NRG3: variants seen among roughly 807,000 people sequenced by gnomAD.
NRG3 encodes neuregulin 3.
A neutral mutation model predicts 66.9 loss-of-function variants in NRG3; 31 were observed. The observed-to-expected ratio is 0.46, with a 90% CI of 0.35 to 0.63. NRG3 has a LOEUF of 0.63. Among genes scored for constraint, NRG3 ranks in the 20% least tolerant of loss-of-function variants. The probability of loss-of-function intolerance (pLI) is 0.00; values close to 1 mark genes in which losing one functional copy is unlikely to be tolerated. For missense variants in NRG3, 910 were observed against 878.9 expected, an observed-to-expected ratio of 1.04 and a Z score of -0.45; for synonymous variants, 393 against 359.4, an observed-to-expected ratio of 1.09 and a Z score of -1.06.
intron 3 of NRG3, among the ~76,000 whole-genome samples, chr10:82,747,290 A>T (rs2058684586): frequency 6.6e-6 from 1 of 152,018 alleles, no homozygotes; most frequent in Non-Finnish European, 1.5e-5. Context: ...CCAGTCATCT[A>T]TGAAGGGCTG....
intron 2 of NRG3, among the ~76,000 whole-genome samples, chr10:82,592,261 C>T (rs1182523927): frequency 6.6e-6 from 1 of 152,140 alleles, no homozygotes; most frequent in African/African-American, 2.4e-5. Context: ...TGGATGATGT[C>T]AGTTTTGCCA....
At chr10:82,212,162 G>T (rs968319261) in intron 1 of NRG3, among the ~76,000 whole-genome samples, 1 of 152,062 alleles carries the variant, frequency 6.6e-6, no homozygotes, top group East Asian at 1.9e-4. Context: ...GCTGATATTT[G>T]ACTAACCTAT....
At chr10:82,649,613 C>G (rs955270503) in intron 2 of NRG3, among the ~76,000 whole-genome samples, 2 of 151,696 alleles carry the variant, frequency 1.3e-5, no homozygotes, top group African/African-American at 4.8e-5. Context: ...ACCACCACGC[C>G]CGGCTAATTT....
chr10:82,641,952 A>G (rs1320559939), intron 2 of NRG3, among the ~76,000 whole-genome samples: 3 of 152,182 alleles, frequency 2.0e-5, no homozygotes, highest in Non-Finnish European at 2.9e-5. Context: ...ATGTACACTA[A>G]GAAACTTCTT....
chr10:82,522,461 A>G (rs1319708732), intron 2 of NRG3, among the ~76,000 whole-genome samples: 3 of 152,178 alleles, frequency 2.0e-5, no homozygotes, highest in African/African-American at 7.2e-5. Context: ...CAAAACAACC[A>G]CAATAATAAC....
intron 1 of NRG3, among the ~76,000 whole-genome samples, chr10:82,309,945 C>A (rs555221563): frequency 6.6e-6 from 1 of 152,218 alleles, no homozygotes; most frequent in Admixed American, 6.5e-5. Context: ...GTCTCTTAAC[C>A]CACTTAAACA....
chr10:82,886,711 T>C (rs573612448), intron 4 of NRG3, among the ~76,000 whole-genome samples: 4 of 152,322 alleles, frequency 2.6e-5, no homozygotes, highest in East Asian at 1.9e-4. Context: ...GAGGCTGAGA[T>C]GCTACAAGAC....
At chr10:82,139,187 G>A (rs1441737398) in intron 1 of NRG3, among the ~76,000 whole-genome samples, 4 of 152,094 alleles carry the variant, frequency 2.6e-5, no homozygotes, top group Admixed American at 2.6e-4. Context: ...TGCATATACA[G>A]CCTCTAACAA....
chr10:82,029,274 G>GT, intron 1 of NRG3, among the ~76,000 whole-genome samples: 1 of 152,132 alleles, frequency 6.6e-6, no homozygotes, highest in South Asian at 2.1e-4. Flanking sequence ...GTGTGCTGTG[G>GT]AGAAATTTAG....
At chr10:82,949,360 C>A (rs191122246) in intron 4 of NRG3, among the ~76,000 whole-genome samples, 1 of 151,630 alleles carries the variant, frequency 6.6e-6, no homozygotes, top group African/African-American at 2.4e-5. Context: ...TCGTCTTTTT[C>A]GGAATCATGA....
intron 1 of NRG3, among the ~76,000 whole-genome samples, chr10:82,200,480 A>G (rs2074738234): frequency 6.6e-6 from 1 of 152,220 alleles, no homozygotes; most frequent in Admixed American, 6.5e-5. Context: ...GATGAGGACC[A>G]TGTGATGGAA....
At chr10:82,140,090 G>C (rs1411672376) in intron 1 of NRG3, among the ~76,000 whole-genome samples, 1 of 152,168 alleles carries the variant, frequency 6.6e-6, no homozygotes, top group Non-Finnish European at 1.5e-5. Flanking sequence ...ATCAGGCTAA[G>C]ACATCAGCAG....
Position 82,951,618 on chromosome 10 carries a change from C to A in NRG3, c.1157+47C>A, listed in dbSNP as rs764078723. The A allele has an allele frequency of 8.6e-6, 13 of 1,507,148 alleles. No homozygotes were observed. In the South Asian group the frequency reaches 1.2e-4, roughly 14 times the overall value. The allele number at this position is 1,507,148 out of a possible 1,614,324, so 93.4% of individuals were successfully genotyped here. ...GTTTAAAGGTTACTTTTAGAGAAAG[C>A]GCTTTGTGTTACTTTAAGTTCTCAG... On this transcript the variant is annotated intron_variant, in intron 5 of 8. Coordinates refer to ENST00000372141, the MANE Select transcript of NRG3 (RefSeq NM_001010848.4).
chr10:82,124,830 A>T (rs1052481540), intron 1 of NRG3, among the ~76,000 whole-genome samples: 1 of 151,930 alleles, frequency 6.6e-6, no homozygotes, highest in African/African-American at 2.4e-5. Context: ...GCCTTGTGTC[A>T]TTCATCACAG....
chr10:81,936,076 G>T (rs961832572), intron 1 of NRG3, among the ~76,000 whole-genome samples: 1 of 152,134 alleles, frequency 6.6e-6, no homozygotes, highest in African/African-American at 2.4e-5. Flanking sequence ...AGACATGATA[G>T]AAGGAGATCT....
intron 2 of NRG3, among the ~76,000 whole-genome samples, chr10:82,596,368 A>C (rs2047279721): frequency 6.6e-6 from 1 of 152,232 alleles, no homozygotes; most frequent in Non-Finnish European, 1.5e-5. Context: ...AATAATGAGA[A>C]GAAGGCAGAA....
intron 1 of NRG3, among the ~76,000 whole-genome samples, chr10:81,907,734 CT>C (rs1844731087): frequency 6.6e-6 from 1 of 152,078 alleles, no homozygotes; most frequent in East Asian, 1.9e-4. Context: ...TTATATTTAG[CT>C]CTGGGAAACT....
In NRG3 at chr10:82,065,180, C is replaced by T. The variant is rs187261142; in HGVS notation, c.823+189017C>T. Reference sequence around the variant, plus strand: ...TTGACTTCCGTAGGAGACATATTTACGTAAAACTATGAGGGGAATTGAGAG... The same window carrying T: ...TTGACTTCCGTAGGAGACATATTTATGTAAAACTATGAGGGGAATTGAGAG... On this transcript the variant is annotated intron_variant, in intron 1 of 8. Coordinates refer to ENST00000372141, the MANE Select transcript of NRG3 (RefSeq NM_001010848.4). 1.3e-3 allele frequency among the ~76,000 whole-genome samples: 200 copies of T among 152,150 alleles called. 1 individual carries two copies. Among genetic ancestry groups the T allele is most frequent in the Middle Eastern group, 3.4e-3 (1 of 294 alleles).
At chr10:82,860,894 G>A (rs1334781688) in intron 3 of NRG3, among the ~76,000 whole-genome samples, 2 of 152,148 alleles carry the variant, frequency 1.3e-5, no homozygotes, top group Non-Finnish European at 2.9e-5. Context: ...ATCGCTTGAT[G>A]TTTTCCTGCA....
Sources: gnomAD v4.1 joint callset for allele counts (sites outside exome capture counted in the v4.1 genomes callset) on GRCh38, gnomAD v4.1.1 for gene constraint, MANE v1.5 for transcripts, NCBI Gene and HGNC (gene_info 2026-07-23, HGNC 2026-07-21) for gene names.